PACRG: variants seen among roughly 807,000 people sequenced by gnomAD.
PACRG encodes the protein parkin coregulated gene protein.
Under a neutral mutation model 29.7 loss-of-function variants are expected in PACRG, and 29 were observed. The ratio of observed to expected loss-of-function variants is 0.98; its 90% CI spans 0.73 to 1.33. The LOEUF (loss-of-function observed/expected upper bound fraction) is 1.33. Among genes scored for constraint, PACRG ranks in the 40% most tolerant of loss-of-function variants. PACRG has a pLI of 0.00. For synonymous variants in PACRG, 116 were observed against 118.7 expected (o/e 0.98, Z 0.15); for missense variants, 279 against 316.2 (o/e 0.88, Z 0.89).
intron 1 of PACRG, among the ~76,000 whole-genome samples, chr6:162,743,899 T>C (rs1230544448): frequency 1.3e-5 from 2 of 152,202 alleles, no homozygotes; most frequent in Admixed American, 6.5e-5. Context: ...ATTGTTAAGC[T>C]ATTGTCTCTA....
At chr6:163,102,301 CA>C (rs1815139735) in intron 4 of PACRG, among the ~76,000 whole-genome samples, 1 of 152,236 alleles carries the variant, frequency 6.6e-6, no homozygotes, top group African/African-American at 2.4e-5. Flanking sequence ...GCACTGATGG[CA>C]GACTTATTGA....
At chr6:163,131,191 C>T (rs1273588159) in intron 4 of PACRG, among the ~76,000 whole-genome samples, 1 of 151,972 alleles carries the variant, frequency 6.6e-6, no homozygotes, top group Non-Finnish European at 1.5e-5. Context: ...GCCTGTAGTC[C>T]CAGCTACTCG....
At chr6:163,083,162 C>T (rs1450654776) in intron 3 of PACRG, among the ~76,000 whole-genome samples, 2 of 152,182 alleles carry the variant, frequency 1.3e-5, no homozygotes, top group African/African-American at 4.8e-5. Context: ...AGGAAAATAT[C>T]TTGGGCCCCC....
At chr6:163,200,841 G>T (rs9458745) in intron 4 of PACRG, among the ~76,000 whole-genome samples, 1,881 of 152,336 alleles carry the variant, frequency 0.012, 47 homozygotes, top group African/African-American at 0.043. Context: ...GAGGCAGGAT[G>T]CTTGGTCACC....
At chr6:163,061,077 T>C (rs1348208143) in intron 2 of PACRG, among the ~76,000 whole-genome samples, 2 of 152,198 alleles carry the variant, frequency 1.3e-5, no homozygotes, top group East Asian at 3.9e-4. Flanking sequence ...CTCAAAGGTC[T>C]TGATGGGCTC....
intron 2 of PACRG, among the ~76,000 whole-genome samples, chr6:163,001,641 A>G (rs760126290): frequency 1.3e-5 from 2 of 152,138 alleles, no homozygotes; most frequent in Non-Finnish European, 2.9e-5. Context: ...TTTATACGGT[A>G]TAATTGTTAC....
At chr6:162,851,933 AAAGG>A (rs1333487072) in intron 2 of PACRG, among the ~76,000 whole-genome samples, 1 of 149,036 alleles carries the variant, frequency 6.7e-6, no homozygotes, top group African/African-American at 2.5e-5. Context: ...AAAAGAAAAG[AAAGG>A]AAGGGAGAAA....
chr6:162,887,409 G>T (rs1794424436), intron 2 of PACRG, among the ~76,000 whole-genome samples: 1 of 152,134 alleles, frequency 6.6e-6, no homozygotes, highest in Non-Finnish European at 1.5e-5. Context: ...TGTATTCTCT[G>T]GAATTTTAGT....
intron 2 of PACRG, among the ~76,000 whole-genome samples, chr6:162,887,261 T>C (rs1306339876): frequency 6.6e-6 from 1 of 152,194 alleles, no homozygotes; most frequent in Admixed American, 6.5e-5. Flanking sequence ...CCCCCAGTTA[T>C]GTTTGAATGG....
intron 1 of PACRG, among the ~76,000 whole-genome samples, chr6:162,738,770 A>T (rs531008410): frequency 1.3e-5 from 2 of 152,306 alleles, no homozygotes; most frequent in East Asian, 3.9e-4. Flanking sequence ...GAGCTTTGTA[A>T]ACATTATTTT....
At chr6:163,149,198 C>G (rs1188887417) in intron 4 of PACRG, among the ~76,000 whole-genome samples, 2 of 152,100 alleles carry the variant, frequency 1.3e-5, no homozygotes, top group African/African-American at 2.4e-5. Context: ...CCAGGCCGGT[C>G]GGGTGTCCTC....
chr6:162,798,339 A>G (rs1785555801), intron 1 of PACRG, among the ~76,000 whole-genome samples: 1 of 152,308 alleles, frequency 6.6e-6, no homozygotes, highest in Non-Finnish European at 1.5e-5. Context: ...TTTGCAAACA[A>G]GAAACAAATG....
intron 2 of PACRG, among the ~76,000 whole-genome samples, chr6:162,977,002 C>T (rs1216409181): frequency 6.6e-6 from 1 of 151,800 alleles, no homozygotes; most frequent in Non-Finnish European, 1.5e-5. Context: ...CTGTACAAGT[C>T]CTAAGAAAAA....
intron 2 of PACRG, among the ~76,000 whole-genome samples, chr6:163,045,454 A>T (rs565145769): frequency 1.1e-4 from 16 of 152,052 alleles, no homozygotes; most frequent in African/African-American, 3.9e-4. Flanking sequence ...GCTCCCAAGT[A>T]GCTGGGATTA....
At chr6:162,847,933 C>T (rs1259578523) in intron 2 of PACRG, among the ~76,000 whole-genome samples, 1 of 152,060 alleles carries the variant, frequency 6.6e-6, no homozygotes, top group African/African-American at 2.4e-5. Context: ...AGCAGATTTG[C>T]CTTTCAGAAA....
chr6:163,203,393 C>G (rs944674394), intron 4 of PACRG, among the ~76,000 whole-genome samples: 5 of 152,172 alleles, frequency 3.3e-5, no homozygotes, highest in African/African-American at 9.7e-5. Context: ...AGCCGGGCGA[C>G]AGAGCGAGAT....
At chr6:163,274,648 A>C (rs570225996) in intron 4 of PACRG, among the ~76,000 whole-genome samples, 2 of 152,316 alleles carry the variant, frequency 1.3e-5, no homozygotes, top group East Asian at 3.9e-4. Context: ...AGTCCCACCA[A>C]CAGTGTAAAA....
intron 2 of PACRG, among the ~76,000 whole-genome samples, chr6:162,959,437 G>T (rs1800426323): frequency 1.3e-5 from 2 of 152,164 alleles, no homozygotes; most frequent in South Asian, 4.1e-4. Flanking sequence ...GGAGGGGTGG[G>T]TCTGGTATTT....
chr6:163,109,354 A>G (rs1191958033), intron 4 of PACRG, among the ~76,000 whole-genome samples: 1 of 152,202 alleles, frequency 6.6e-6, no homozygotes, highest in Non-Finnish European at 1.5e-5. Context: ...GAGCATCACT[A>G]TCACACGTTG....
Sources: gnomAD v4.1 joint callset for allele counts (sites outside exome capture counted in the v4.1 genomes callset) on GRCh38, gnomAD v4.1.1 for gene constraint, MANE v1.5 for transcripts, NCBI Gene and HGNC (gene_info 2026-07-23, HGNC 2026-07-21) for gene names.